The following ASPRV1 variants were observed in gnomAD, a reference collection of about 807,000 sequenced individuals.
ASPRV1 encodes retroviral-like aspartic protease 1.
ASPRV1 carries 7 observed loss-of-function variants against 11.0 expected under a neutral mutation model. That is an observed-to-expected ratio of 0.64 (90% CI 0.36 to 1.20). ASPRV1 has a LOEUF of 1.20. ASPRV1 is among the 50% of genes most tolerant of loss of function. The pLI, the probability that ASPRV1 is intolerant of heterozygous loss-of-function variation, is 0.02. For missense variants in ASPRV1, 299 were observed against 320.0 expected (o/e 0.93, Z 0.50); for synonymous variants, 136 against 138.4 (o/e 0.98, Z 0.12).
chr2:70,077,988 G>A, the ASPRV1 span, among the ~76,000 whole-genome samples: 1 of 151,844 alleles, frequency 6.6e-6, no homozygotes, highest in Non-Finnish European at 1.5e-5. Flanking sequence ...CCAACATGAT[G>A]AAACCTCGTC....
At chr2:69,937,449 A>G in the ASPRV1 span, 2 of 1,405,458 alleles carry the variant, frequency 1.4e-6, no homozygotes, top group East Asian at 5.0e-5. Context: ...ACCCCAGAGC[A>G]GGGGTTCAGT....
At chr2:69,977,938 C>T in the ASPRV1 span, among the ~76,000 whole-genome samples, 1 of 152,152 alleles carries the variant, frequency 6.6e-6, no homozygotes, top group Non-Finnish European at 1.5e-5. Flanking sequence ...AGGTCATGAG[C>T]CCCAGAAGTG....
the ASPRV1 span, chr2:69,994,347 T>C: frequency 6.6e-6 from 1 of 152,482 alleles, no homozygotes; most frequent in East Asian, 1.9e-4. Context: ...ACGTGTCTAG[T>C]GTGTTCTATA....
chr2:70,051,183 A>T, the ASPRV1 span: 1 of 152,200 alleles, frequency 6.6e-6, no homozygotes, highest in African/African-American at 2.4e-5. Context: ...ACTGAGGGAC[A>T]AAGAAGGTAA....
At position 69,961,375 on chromosome 2, in the gene ASPRV1, G is replaced by T. The variant is rs78986045; in HGVS notation, c.62C>A (p.Pro21His). 1.2e-6 allele frequency: 2 copies of T among 1,614,144 alleles called. No individual in the cohort carries two copies. Among genetic ancestry groups the T allele is most frequent in the African/African-American group, 1.3e-5 (1 of 75,050 alleles). The change falls in exon 1 of 1, where the codon CCT becomes CAT. Residue 21 changes from proline (P) to histidine (H), a missense_variant. Transcript: ENST00000320256. ...GRRQHAFVPE[P>H]FDGANVVPNL... ...TGGGACGACATTGGCCCCATCAAAAGGTTCCGGGACGAAGGCATGCTGCCG... is the reference window on the plus strand; with the variant it reads ...TGGGACGACATTGGCCCCATCAAAATGTTCCGGGACGAAGGCATGCTGCCG...
the ASPRV1 span, among the ~76,000 whole-genome samples, chr2:69,934,064 A>G: frequency 6.6e-6 from 1 of 152,224 alleles, no homozygotes; most frequent in African/African-American, 2.4e-5. Context: ...TTCAGCAAAC[A>G]CTTATTAAGC....
At chr2:70,085,381 G>A in the ASPRV1 span, among the ~76,000 whole-genome samples, 2 of 152,204 alleles carry the variant, frequency 1.3e-5, no homozygotes. Flanking sequence ...TACAGGTGTA[G>A]CTCTTATCAG....
the ASPRV1 span, among the ~76,000 whole-genome samples, chr2:70,033,763 A>C: frequency 3.3e-5 from 5 of 152,310 alleles, no homozygotes; most frequent in African/African-American, 1.2e-4. Flanking sequence ...ATATCTCTCT[A>C]TATCAACTCT....
the ASPRV1 span, chr2:69,975,590 C>T: frequency 6.6e-6 from 1 of 152,258 alleles, no homozygotes; most frequent in Non-Finnish European, 1.5e-5. Context: ...ATGGGTTTCT[C>T]CCTGTGGTTC....
chr2:69,973,201 G>A, the ASPRV1 span, among the ~76,000 whole-genome samples: 3 of 152,094 alleles, frequency 2.0e-5, no homozygotes, highest in Non-Finnish European at 4.4e-5. Context: ...AATTGCATAT[G>A]GCCAGTTGGG....
In ASPRV1 at chr2:69,960,462, C is replaced by T. The variant is rs1678042382; in HGVS notation, c.*195G>A. ...CTCTAAGCCAGCCTGCTCTCCCTCA[C>T]CTGTGCCTGTTCAGTGGAAGCCTCC... is the stretch of plus-strand genomic sequence containing the variant. On this transcript the variant is annotated 3_prime_UTR_variant, in exon 1 of 1. Transcript: ENST00000320256. 2 of 608,424 alleles carry T rather than the reference C, an allele frequency of 3.3e-6. No homozygotes were observed. The highest frequency in any genetic ancestry group is 5.7e-6 in the Non-Finnish European group (2 of 350,468). The allele number at this position is 608,424 out of a possible 1,614,324, so 37.7% of individuals were successfully genotyped here.
At chr2:70,056,927 G>A in the ASPRV1 span, among the ~76,000 whole-genome samples, 2 of 151,972 alleles carry the variant, frequency 1.3e-5, no homozygotes, top group Non-Finnish European at 2.9e-5. Flanking sequence ...AGTAGAGACT[G>A]GGTTTTGCCA....
chr2:70,073,122 C>T, the ASPRV1 span: 1 of 152,018 alleles, frequency 6.6e-6, no homozygotes, highest in South Asian at 2.1e-4. Flanking sequence ...CAACGATGTC[C>T]TAAGAACTGA....
chr2:69,981,559 GTTGT>G, the ASPRV1 span, among the ~76,000 whole-genome samples: 5 of 152,162 alleles, frequency 3.3e-5, no homozygotes, highest in African/African-American at 7.2e-5. Flanking sequence ...CTTTGTTGTT[GTTGT>G]TTGTTTGTTT....
the ASPRV1 span, among the ~76,000 whole-genome samples, chr2:70,063,042 G>A: frequency 2.0e-5 from 3 of 152,086 alleles, no homozygotes; most frequent in Admixed American, 1.3e-4. Flanking sequence ...CCAGGCCATA[G>A]ACTGCCCAGT....
At chr2:70,085,639 G>A in the ASPRV1 span, 1 of 151,796 alleles carries the variant, frequency 6.6e-6, no homozygotes, top group South Asian at 2.1e-4. Flanking sequence ...TTAAAAGAGA[G>A]AGAGAGAGAG....
At chr2:70,016,921 T>C in the ASPRV1 span, among the ~76,000 whole-genome samples, 320 of 151,972 alleles carry the variant, frequency 2.1e-3, 1 homozygote, top group Non-Finnish European at 2.8e-3. Flanking sequence ...GATGCAAGGA[T>C]GGTTCAACAT....
the ASPRV1 span, among the ~76,000 whole-genome samples, chr2:70,025,090 TTTGTTA>T: frequency 6.6e-6 from 1 of 152,206 alleles, no homozygotes; most frequent in Non-Finnish European, 1.5e-5. Context: ...TATATTTAAA[TTTGTTA>T]TTATTTTCAT....
chr2:69,961,942 G>A (rs1442194836), upstream of ASPRV1: 1 of 416,490 alleles, frequency 2.4e-6, no homozygotes, highest in East Asian at 3.7e-5. Flanking sequence ...AGTGAAGGAA[G>A]GGGAGGCAGG....
Sources: allele counts gnomAD v4.1 joint callset (sites outside exome capture counted in the v4.1 genomes callset), GRCh38; gene constraint gnomAD v4.1.1; transcripts MANE v1.5; gene names NCBI Gene and HGNC (gene_info 2026-07-23, HGNC 2026-07-21).